BLNK: variants seen among roughly 807,000 people sequenced by gnomAD.
BLNK encodes B-cell linker protein.
A neutral mutation model predicts 73.5 loss-of-function variants in BLNK; 29 were observed. That is an observed-to-expected ratio of 0.39 (90% CI 0.29 to 0.54). The LOEUF is 0.54. Ranked by LOEUF, BLNK falls within the 20% of genes least tolerant of loss-of-function variation. The pLI is 0.61. For missense variants in BLNK, 460 were observed against 562.8 expected (o/e 0.82, Z 1.85); for synonymous variants, 176 against 200.8 (o/e 0.88, Z 1.04).
Position 96,191,779 on chromosome 10 carries a change from C to T in BLNK, c.*194G>A, listed in dbSNP as rs1221033257. 1.6e-6 allele frequency: 1 copy of T among 625,006 alleles called. No individual in the cohort carries two copies. The highest frequency in any genetic ancestry group is 2.8e-6 in the Non-Finnish European group (1 of 359,474). The allele number at this position is 625,006 out of a possible 1,614,324, so 38.7% of individuals were successfully genotyped here. ...ACCTCACCAGATATTAACAGTTCATCAGGTCAGGCAATAGAACAAGTCCAC... is the reference window on the plus strand; with the variant it reads ...ACCTCACCAGATATTAACAGTTCATTAGGTCAGGCAATAGAACAAGTCCAC... On this transcript the variant is annotated 3_prime_UTR_variant, in exon 17 of 17. Transcript: ENST00000224337.
chr10:96,203,575 G>A (rs2083710765), intron 13 of BLNK: 1 of 152,752 alleles, frequency 6.5e-6, no homozygotes, highest in East Asian at 1.9e-4. Flanking sequence ...TATTTTTAGG[G>A]TGATGTTTGC....
intron 16 of BLNK, among the ~76,000 whole-genome samples, chr10:96,195,485 G>A (rs1303395195): frequency 2.0e-5 from 3 of 152,184 alleles, no homozygotes; most frequent in African/African-American, 7.2e-5. Flanking sequence ...GCCTTAAAAA[G>A]GAAGGAAATC....
rs561626197 is a variant in BLNK at position 96,245,752 on chromosome 10, G to A, written c.113+1232C>T. 1.2e-4 allele frequency among the ~76,000 whole-genome samples: 18 copies of A among 152,298 alleles called. 1 individual carries two copies. Among genetic ancestry groups the A allele is most frequent in the Admixed American group, 1.2e-3 (18 of 15,302 alleles). On this transcript the variant is annotated intron_variant, in intron 2 of 16. Coordinates refer to ENST00000224337, the MANE Select transcript of BLNK (RefSeq NM_013314.4). ...CTATGATACCATTTATGACGAAAAT[G>A]TATGTGTATAGTATGTACAATGTCA...
At chr10:96,237,789 T>A (rs115160856) in intron 3 of BLNK, among the ~76,000 whole-genome samples, 4,223 of 152,286 alleles carry the variant, frequency 0.028, 198 homozygotes, top group African/African-American at 0.094. Context: ...AGCAAGGAGC[T>A]GCAAAATGGG....
At chr10:96,240,207 G>A (rs1200424027) in intron 3 of BLNK, among the ~76,000 whole-genome samples, 2 of 152,124 alleles carry the variant, frequency 1.3e-5, no homozygotes, top group Admixed American at 6.5e-5. Context: ...GCACTGTAAG[G>A]TCAGGGGTTG....
intron 16 of BLNK, 147 bp from the exon 17 acceptor site, chr10:96,192,239 G>T: frequency 2.6e-6 from 3 of 1,132,304 alleles, no homozygotes; most frequent in Admixed American, 4.2e-5. Flanking sequence ...TTTAACAAAG[G>T]CTGTAACCTT....
chr10:96,219,835 T>C (rs897838651), intron 6 of BLNK, among the ~76,000 whole-genome samples: 9 of 152,120 alleles, frequency 5.9e-5, no homozygotes, highest in Admixed American at 1.3e-4. Flanking sequence ...GCCTGTAAAA[T>C]CAAGCTGCTG....
intron 16 of BLNK, among the ~76,000 whole-genome samples, chr10:96,193,281 C>T (rs888365455): frequency 4.6e-5 from 7 of 152,098 alleles, no homozygotes; most frequent in African/African-American, 1.7e-4. Context: ...TGTTGCTAAA[C>T]CAAATGCAGT....
intron 2 of BLNK, among the ~76,000 whole-genome samples, chr10:96,244,576 G>A (rs1033690829): frequency 3.3e-5 from 5 of 152,208 alleles, no homozygotes; most frequent in East Asian, 1.9e-4. Context: ...GAACCAGCGT[G>A]TTCAAGCGTG....
intron 3 of BLNK, among the ~76,000 whole-genome samples, chr10:96,242,201 A>T (rs1842901870): frequency 6.6e-6 from 1 of 152,102 alleles, no homozygotes; most frequent in Non-Finnish European, 1.5e-5. Flanking sequence ...ACAAAATCTG[A>T]TGATTTTATC....
At chr10:96,248,021 T>G (rs1843120587) in intron 1 of BLNK, among the ~76,000 whole-genome samples, 1 of 152,272 alleles carries the variant, frequency 6.6e-6, no homozygotes, top group Non-Finnish European at 1.5e-5. Flanking sequence ...TGTCCAATTC[T>G]GTGTTCAAAA....
rs2083297124 is a variant in BLNK, at chr10:96,189,584, T to G, written c.*2389A>C. 1 of 683,912 alleles carries G rather than the reference T, an allele frequency of 1.5e-6. No homozygotes were observed. The highest frequency in any genetic ancestry group is 1.7e-5 in the African/African-American group (1 of 57,206). 42.4% of individuals were successfully genotyped at this position (683,912 alleles called of 1,614,324 possible). ...TGAAGGATTCTTGTCCTTTTAATCT[T>G]GGTGTTGATGATGGGTTTGAGTGTT... On this transcript the variant is annotated 3_prime_UTR_variant, in exon 17 of 17. Transcript: ENST00000224337.
intron 1 of BLNK, 104 bp downstream of exon 1, chr10:96,271,248 A>C: frequency 1.5e-6 from 2 of 1,375,842 alleles, no homozygotes; most frequent in South Asian, 2.4e-5. Context: ...CACCCACTGG[A>C]AACTAGCAAA....
Position 96,190,275 on chromosome 10 carries a change from T to G in BLNK, c.*1698A>C, listed in dbSNP as rs2083308504. 2 of 697,566 alleles carry G rather than the reference T, an allele frequency of 2.9e-6. No individual in the cohort carries two copies. The highest frequency in any genetic ancestry group is 3.7e-5 in the Admixed American group (2 of 53,488). 43.2% of individuals were successfully genotyped at this position (697,566 alleles called of 1,614,324 possible). ...AAAGCAGACGGAGATAAACGACCACTGCTCAAGAGAACAGCCATACAGGAT... is the reference window on the plus strand; with the variant it reads ...AAAGCAGACGGAGATAAACGACCACGGCTCAAGAGAACAGCCATACAGGAT... On this transcript the variant is annotated 3_prime_UTR_variant, in exon 17 of 17. Coordinates refer to ENST00000224337, the MANE Select transcript of BLNK (RefSeq NM_013314.4).
At chr10:96,233,343 A>T (rs1842576758) in intron 3 of BLNK, among the ~76,000 whole-genome samples, 1 of 152,152 alleles carries the variant, frequency 6.6e-6, no homozygotes, top group Admixed American at 6.5e-5. Context: ...TGTCTCCATT[A>T]TCTTTCTTCT....
At chr10:96,205,662 G>C (rs868930463) in intron 11 of BLNK, among the ~76,000 whole-genome samples, 14 of 152,160 alleles carry the variant, frequency 9.2e-5, no homozygotes, top group African/African-American at 3.1e-4. Flanking sequence ...CTCTGCCTCC[G>C]CCATCCTGAT....
intron 1 of BLNK, among the ~76,000 whole-genome samples, chr10:96,259,703 T>C (rs1388145430): frequency 6.8e-6 from 1 of 147,370 alleles, no homozygotes; most frequent in East Asian, 2.0e-4. Flanking sequence ...TGCTTGTTTC[T>C]TTTTTTTCCT....
At chr10:96,213,941 G>A (rs933222867) in intron 8 of BLNK, among the ~76,000 whole-genome samples, 1 of 152,210 alleles carries the variant, frequency 6.6e-6, no homozygotes, top group Non-Finnish European at 1.5e-5. Flanking sequence ...GCGCTTGTGG[G>A]TTCTGAGGAG....
chr10:96,214,855 G>A (rs982212444), intron 8 of BLNK, among the ~76,000 whole-genome samples: 1 of 152,166 alleles, frequency 6.6e-6, no homozygotes, highest in Non-Finnish European at 1.5e-5. Context: ...CTGTCACAGA[G>A]TAGGGGCTAT....
Sources: allele counts gnomAD v4.1 joint callset (sites outside exome capture counted in the v4.1 genomes callset), GRCh38; gene constraint gnomAD v4.1.1; transcripts MANE v1.5; gene names NCBI Gene and HGNC (gene_info 2026-07-23, HGNC 2026-07-21).